Variants in VTI1A observed in about 807,000 individuals in gnomAD.
VTI1A encodes the protein vesicle transport through interaction with t-SNAREs 1A.
VTI1A carries 22 observed loss-of-function variants against 34.9 expected under a neutral mutation model. The ratio of observed to expected loss-of-function variants is 0.63; its 90% CI spans 0.45 to 0.90. The LOEUF is 0.90. Among genes scored for constraint, VTI1A ranks in the 40% least tolerant of loss-of-function variants. The pLI is 0.00. For synonymous variants in VTI1A, 87 were observed against 97.3 expected (o/e 0.89, Z 0.62); for missense variants, 268 against 275.6 (o/e 0.97, Z 0.20).
intron 3 of VTI1A, among the ~76,000 whole-genome samples, chr10:112,493,381 A>G (rs1383052027): frequency 2.0e-5 from 3 of 152,100 alleles, no homozygotes; most frequent in African/African-American, 4.8e-5. Flanking sequence ...TGGATTTTCT[A>G]CATAAAATAT....
At chr10:112,594,304 T>G (rs1016327143) in intron 5 of VTI1A, among the ~76,000 whole-genome samples, 3 of 152,158 alleles carry the variant, frequency 2.0e-5, no homozygotes, top group African/African-American at 4.8e-5. Flanking sequence ...ATATGGATCC[T>G]TTTTTAAAAG....
intron 7 of VTI1A, among the ~76,000 whole-genome samples, chr10:112,768,645 A>G (rs889442476): frequency 1.3e-5 from 2 of 152,224 alleles, no homozygotes; most frequent in Non-Finnish European, 2.9e-5. Context: ...CATGACAACT[A>G]GAAAACTAAG....
At chr10:112,813,226 A>G (rs6585191) in intron 7 of VTI1A, among the ~76,000 whole-genome samples, 151,389 of 152,324 alleles carry the variant, frequency 0.99, 75,233 homozygotes, top group East Asian at 1. Flanking sequence ...TGAGGATTTA[A>G]GGATTCCTGT....
At chr10:112,717,149 T>A (rs1289837850) in intron 7 of VTI1A, among the ~76,000 whole-genome samples, 1 of 152,188 alleles carries the variant, frequency 6.6e-6, no homozygotes, top group Non-Finnish European at 1.5e-5. Context: ...AAGCTCTGAG[T>A]CATGACTGAG....
intron 3 of VTI1A, among the ~76,000 whole-genome samples, chr10:112,511,526 G>A (rs180782560): frequency 1.3e-5 from 2 of 152,186 alleles, no homozygotes; most frequent in Admixed American, 1.3e-4. Context: ...ACAGGCATGA[G>A]CCACCGTGCC....
At chr10:112,607,717 G>A (rs1267828795) in intron 5 of VTI1A, among the ~76,000 whole-genome samples, 2 of 152,130 alleles carry the variant, frequency 1.3e-5, no homozygotes, top group Non-Finnish European at 2.9e-5. Context: ...GACTCATGAG[G>A]TTATAATTAA....
In VTI1A at chr10:112,634,526, C is replaced by T. The variant is rs1331708934; in HGVS notation, c.428-33692C>T. Among the ~76,000 whole-genome samples the T allele has an allele frequency of 5.4e-5, 8 of 149,076 alleles. 1 individual carries two copies. Among genetic ancestry groups the T allele is most frequent in the African/African-American group, 2.0e-4 (8 of 40,020 alleles). Reference sequence around the variant, plus strand: ...ACACACACACACATACACACACACACACACACACACACACACACACACGAA... The same window carrying T: ...ACACACACACACATACACACACACATACACACACACACACACACACACGAA... On this transcript the variant is annotated intron_variant, in intron 5 of 7. Transcript: ENST00000393077.
chr10:112,543,198 T>C (rs1230036645), intron 5 of VTI1A, among the ~76,000 whole-genome samples: 1 of 151,876 alleles, frequency 6.6e-6, no homozygotes, highest in African/African-American at 2.4e-5. Context: ...TACCCAGTAA[T>C]GGGATCGCTG....
At chr10:112,770,544 T>G (rs543332669) in intron 7 of VTI1A, among the ~76,000 whole-genome samples, 1 of 151,198 alleles carries the variant, frequency 6.6e-6, no homozygotes, top group Non-Finnish European at 1.5e-5. Context: ...TACAGGCGCC[T>G]GTCACCACGC....
intron 5 of VTI1A, among the ~76,000 whole-genome samples, chr10:112,564,117 G>GTT (rs747104298): frequency 1.2e-4 from 17 of 136,622 alleles, no homozygotes; most frequent in African/African-American, 3.5e-4. Flanking sequence ...CCTGAAAATA[G>GTT]TTTTTTTTTT....
chr10:112,585,384 C>T (rs1375993179), intron 5 of VTI1A, among the ~76,000 whole-genome samples: 2 of 152,140 alleles, frequency 1.3e-5, no homozygotes, highest in Non-Finnish European at 2.9e-5. Flanking sequence ...GCTATTACAG[C>T]TTGTTACTTT....
chr10:112,644,997 A>G (rs372980657), intron 5 of VTI1A, among the ~76,000 whole-genome samples: 33 of 152,350 alleles, frequency 2.2e-4, no homozygotes, highest in South Asian at 2.1e-3. Context: ...AACCTGTTCT[A>G]TTAAAACGTA....
rs554632796 is a variant in VTI1A at position 112,748,711 on chromosome 10, C to T, written c.561-66579C>T. 4.0e-5 allele frequency among the ~76,000 whole-genome samples: 6 copies of T among 150,192 alleles called. No homozygotes were observed. The South Asian group carries it at 6.4e-4, about 16-fold the overall frequency. On this transcript the variant is annotated intron_variant, in intron 7 of 7. Coordinates refer to ENST00000393077, the MANE Select transcript of VTI1A (RefSeq NM_145206.4). ...CGCGATCTCGGCTCACTGCAAGCTC[C>T]GCCTCCCGGGTTCACGCCATTCTCC...
chr10:112,700,555 C>T (rs1848975324), intron 7 of VTI1A, among the ~76,000 whole-genome samples: 1 of 152,168 alleles, frequency 6.6e-6, no homozygotes, highest in African/African-American at 2.4e-5. Context: ...CATCAAAGAA[C>T]TCATAAGTAT....
At chr10:112,635,960 G>A (rs1339137384) in intron 5 of VTI1A, among the ~76,000 whole-genome samples, 1 of 152,234 alleles carries the variant, frequency 6.6e-6, no homozygotes, top group Non-Finnish European at 1.5e-5. Flanking sequence ...CATAGAAACA[G>A]AGATGATATT....
intron 5 of VTI1A, among the ~76,000 whole-genome samples, chr10:112,628,687 C>A (rs1846013026): frequency 2.0e-5 from 3 of 152,146 alleles, no homozygotes; most frequent in Admixed American, 2.0e-4. Flanking sequence ...TCCATTTAAT[C>A]TTCAGTGTTG....
chr10:112,667,901 A>G (rs1189768734), intron 5 of VTI1A, among the ~76,000 whole-genome samples: 1 of 152,194 alleles, frequency 6.6e-6, no homozygotes, highest in African/African-American at 2.4e-5. Flanking sequence ...TTCCATGATG[A>G]CAAAATAGAC....
chr10:112,770,873 T>C (rs1217161956), intron 7 of VTI1A, among the ~76,000 whole-genome samples: 2 of 152,268 alleles, frequency 1.3e-5, no homozygotes, highest in African/African-American at 4.8e-5. Context: ...GCATGTCAGC[T>C]GCAGGGGAAA....
chr10:112,546,001 CGCGTATGTGTGTGTATAT>C (rs1851079803), intron 5 of VTI1A, among the ~76,000 whole-genome samples: 5 of 141,430 alleles, frequency 3.5e-5, no homozygotes, highest in African/African-American at 1.4e-4. Context: ...TACGTGTATA[CGCGTATGTGTGTGTATAT>C]ACGTGTATAC....
Sources: gnomAD v4.1 joint callset for allele counts (sites outside exome capture counted in the v4.1 genomes callset) on GRCh38, gnomAD v4.1.1 for gene constraint, MANE v1.5 for transcripts, NCBI Gene and HGNC (gene_info 2026-07-23, HGNC 2026-07-21) for gene names.